Variants in SPOCK3 observed in about 807,000 individuals in gnomAD.
SPOCK3 encodes SPARC (osteonectin), cwcv and kazal like domains proteoglycan 3.
Under a neutral mutation model 56.6 loss-of-function variants are expected in SPOCK3, and 30 were observed. The ratio of observed to expected loss-of-function variants is 0.53; its 90% CI spans 0.40 to 0.72. The LOEUF is 0.72. Among genes scored for constraint, SPOCK3 ranks in the 30% least tolerant of loss-of-function variants. The pLI is 0.00. For synonymous variants in SPOCK3, 196 were observed against 183.3 expected, an observed-to-expected ratio of 1.07 and a Z score of -0.56; for missense variants, 527 against 530.0, an observed-to-expected ratio of 0.99 and a Z score of 0.06.
chr4:166,928,555 C>G (rs969222865), intron 4 of SPOCK3, among the ~76,000 whole-genome samples: 1 of 152,108 alleles, frequency 6.6e-6, no homozygotes, highest in African/African-American at 2.4e-5. Context: ...ATAGGCAGAT[C>G]ACAGAAGACT....
chr4:167,229,799 T>G (rs1736972325), intron 2 of SPOCK3, among the ~76,000 whole-genome samples: 1 of 152,122 alleles, frequency 6.6e-6, no homozygotes, highest in South Asian at 2.1e-4. Context: ...AAAGTTAAAC[T>G]GTAGAACTTT....
At chr4:166,939,858 T>C (rs1407669415) in intron 4 of SPOCK3, among the ~76,000 whole-genome samples, 2 of 152,214 alleles carry the variant, frequency 1.3e-5, no homozygotes, top group Non-Finnish European at 2.9e-5. Flanking sequence ...ATTGAATTTA[T>C]TTATCTTGTT....
intron 3 of SPOCK3, among the ~76,000 whole-genome samples, chr4:167,052,384 C>T (rs1047778706): frequency 3.3e-5 from 5 of 151,966 alleles, no homozygotes; most frequent in African/African-American, 4.8e-5. Context: ...CTAAGGTAGC[C>T]AATATGGATG....
intron 2 of SPOCK3, among the ~76,000 whole-genome samples, chr4:167,219,511 A>G (rs924502884): frequency 6.6e-6 from 1 of 152,170 alleles, no homozygotes; most frequent in Non-Finnish European, 1.5e-5. Context: ...ATGTCTTGCA[A>G]TGTTTTACAT....
intron 6 of SPOCK3, among the ~76,000 whole-genome samples, chr4:166,888,252 T>C (rs1734409401): frequency 6.6e-6 from 1 of 152,040 alleles, no homozygotes; most frequent in Admixed American, 6.6e-5. Flanking sequence ...TATCCATTCT[T>C]CACATTTTTT....
At chr4:166,850,713 A>G (rs1214696822) in intron 6 of SPOCK3, among the ~76,000 whole-genome samples, 1 of 152,228 alleles carries the variant, frequency 6.6e-6, no homozygotes, top group African/African-American at 2.4e-5. Context: ...GACAGACGGC[A>G]CCTGGAAAAT....
intron 2 of SPOCK3, among the ~76,000 whole-genome samples, chr4:167,137,019 CATT>C (rs1407808959): frequency 6.6e-6 from 1 of 152,020 alleles, no homozygotes; most frequent in African/African-American, 2.4e-5. Flanking sequence ...AAAAATCCAG[CATT>C]ATAATTCTGG....
At chr4:166,908,977 C>A (rs10031083) in intron 5 of SPOCK3, among the ~76,000 whole-genome samples, 2 of 151,878 alleles carry the variant, frequency 1.3e-5, no homozygotes, top group Admixed American at 6.6e-5. Context: ...TCTGGCATTG[C>A]TGAATTTGAA....
At chr4:166,815,792 A>C (rs1226170392) in intron 6 of SPOCK3, among the ~76,000 whole-genome samples, 1 of 152,064 alleles carries the variant, frequency 6.6e-6, no homozygotes, top group African/African-American at 2.4e-5. Flanking sequence ...ATAAATAAAT[A>C]ATAAAAAAGT....
intron 2 of SPOCK3, among the ~76,000 whole-genome samples, chr4:167,216,037 C>T (rs1302294347): frequency 6.6e-6 from 1 of 152,108 alleles, no homozygotes; most frequent in Non-Finnish European, 1.5e-5. Context: ...TGACCACTGT[C>T]TTTCCTTAGT....
rs370445325 is a variant in SPOCK3, at chr4:167,175,149, C to T, written c.189+58836G>A. On this transcript the variant is annotated intron_variant, in intron 2 of 10. Transcript: ENST00000357545. ...TGAGTGACTTATAGAACTTCTGATG[C>T]CACTAAAGGAAATTCTCTATAATTA... 6.6e-5 allele frequency among the ~76,000 whole-genome samples: 10 copies of T among 152,156 alleles called. No individual in the cohort carries two copies. The East Asian group carries it at 1.9e-3, about 30-fold the overall frequency.
At chr4:166,793,585 T>C (rs1741582228) in intron 6 of SPOCK3, among the ~76,000 whole-genome samples, 1 of 151,838 alleles carries the variant, frequency 6.6e-6, no homozygotes, top group Admixed American at 6.6e-5. Flanking sequence ...GGAAATAAAC[T>C]CCTAAATTAA....
rs1027229601 is a variant in SPOCK3, at chr4:166,937,571, C to T, written c.351-24828G>A. ...ATATATTACTATATATATGGTATTT[C>T]CAGTGAAAACCATTTTCAGTAATTG... is the stretch of plus-strand genomic sequence containing the variant. On this transcript the variant is annotated intron_variant, in intron 4 of 10. Coordinates refer to ENST00000357545, the MANE Select transcript of SPOCK3 (RefSeq NM_001040159.2). Among the ~76,000 whole-genome samples the T allele has an allele frequency of 8.1e-5, 12 of 147,600 alleles. No individual in the cohort carries two copies. In the East Asian group the frequency reaches 2.4e-3, roughly 29 times the overall value.
chr4:166,923,312 T>C (rs1738710937), intron 4 of SPOCK3, among the ~76,000 whole-genome samples: 1 of 152,232 alleles, frequency 6.6e-6, no homozygotes, highest in Non-Finnish European at 1.5e-5. Context: ...AGATCCTTAA[T>C]GTAACCATAT....
chr4:167,046,450 C>CTTTTTT lies in SPOCK3; in HGVS notation c.235+16036_235+16041dup, dbSNP rs67108499. ...TTATCTTTTTTTTCTTTCTGATATT[C>CTTTTTT]TTTTTTTTTTTTTTTTTTTTTTTTT... On this transcript the variant is annotated intron_variant, in intron 3 of 10. Coordinates refer to ENST00000357545, the MANE Select transcript of SPOCK3 (RefSeq NM_001040159.2). Among the ~76,000 whole-genome samples the CTTTTTT allele has an allele frequency of 2.8e-4, 15 of 53,700 alleles. 1 individual carries two copies. The highest frequency in any genetic ancestry group is 7.2e-4 in the African/African-American group (9 of 12,584). The allele number at this position is 53,700 out of a possible 152,430, so 35.2% of individuals were successfully genotyped here.
intron 5 of SPOCK3, 90 bp from the exon 6 acceptor site, chr4:166,889,334 A>T: frequency 1.3e-6 from 1 of 782,608 alleles, no homozygotes; most frequent in East Asian, 2.6e-5. Flanking sequence ...GTAATTTTTG[A>T]TGCATATAAT....
intron 7 of SPOCK3, among the ~76,000 whole-genome samples, chr4:166,767,193 T>A (rs1313428247): frequency 1.3e-5 from 2 of 152,188 alleles, no homozygotes; most frequent in African/African-American, 4.8e-5. Flanking sequence ...TTTCCTTCAG[T>A]TCTGCTCTGA....
In SPOCK3 at chr4:167,188,076, T is replaced by C. The variant is rs1409835963; in HGVS notation, c.189+45909A>G. Among the ~76,000 whole-genome samples the C allele has an allele frequency of 4.3e-5, 5 of 116,574 alleles. No homozygotes were observed. In the East Asian group the frequency reaches 1.5e-3, roughly 34 times the overall value. The allele number at this position is 116,574 out of a possible 152,430, so 76.5% of individuals were successfully genotyped here. On this transcript the variant is annotated intron_variant, in intron 2 of 10. Coordinates refer to ENST00000357545, the MANE Select transcript of SPOCK3 (RefSeq NM_001040159.2). ...AAAGTTGAGGATAGAGAAAGAATAT[T>C]GAGAAAAATCCCACGATAATCCAGA...
At chr4:167,160,116 T>C (rs548351925) in intron 2 of SPOCK3, among the ~76,000 whole-genome samples, 12,502 of 152,156 alleles carry the variant, frequency 0.082, 916 homozygotes, top group African/African-American at 0.19. Flanking sequence ...TGTTTGCAGA[T>C]GACATGATTG....
Sources: gnomAD v4.1 joint callset for allele counts (sites outside exome capture counted in the v4.1 genomes callset) on GRCh38, gnomAD v4.1.1 for gene constraint, MANE v1.5 for transcripts, NCBI Gene and HGNC (gene_info 2026-07-23, HGNC 2026-07-21) for gene names.